CACNG2: variants seen among roughly 807,000 people sequenced by gnomAD.
CACNG2 encodes the protein calcium voltage-gated channel auxiliary subunit gamma 2, also known as voltage-dependent calcium channel gamma-2 subunit.
In CACNG2, 3 loss-of-function variants were observed where a neutral mutation model predicts 25.9. The ratio of observed to expected loss-of-function variants is 0.12; its 90% CI spans 0.05 to 0.30. The LOEUF (loss-of-function observed/expected upper bound fraction) is 0.30. Among genes scored for constraint, CACNG2 ranks in the 10% least tolerant of loss-of-function variants. CACNG2 has a pLI of 1.00. For synonymous variants in CACNG2, 167 were observed against 173.3 expected, an observed-to-expected ratio of 0.96 and a Z score of 0.29; for missense variants, 341 against 432.5, an observed-to-expected ratio of 0.79 and a Z score of 1.88.
At chr22:36,639,854 C>T (rs1031501171) in intron 1 of CACNG2, among the ~76,000 whole-genome samples, 1 of 152,160 alleles carries the variant, frequency 6.6e-6, no homozygotes, top group African/African-American at 2.4e-5. Flanking sequence ...AGATGGGAAC[C>T]CTGAGGCCCT....
intron 1 of CACNG2, among the ~76,000 whole-genome samples, chr22:36,682,269 G>C (rs1937134645): frequency 6.6e-6 from 1 of 152,210 alleles, no homozygotes; most frequent in African/African-American, 2.4e-5. Context: ...CCTGTTAGCT[G>C]TGGGACTCTG....
intron 1 of CACNG2, among the ~76,000 whole-genome samples, chr22:36,604,732 C>T (rs4630864): frequency 0.49 from 73,934 of 152,062 alleles, 18,527 homozygotes; most frequent in Non-Finnish European, 0.55. Context: ...ATTGTTTTCT[C>T]AGACATAATG....
chr22:36,609,119 C>A (rs189286675), intron 1 of CACNG2, among the ~76,000 whole-genome samples: 1 of 152,044 alleles, frequency 6.6e-6, no homozygotes, highest in Non-Finnish European at 1.5e-5. Context: ...CAGGAATCAG[C>A]CCCCTAGAGT....
intron 1 of CACNG2, among the ~76,000 whole-genome samples, chr22:36,695,826 C>T (rs1937332202): frequency 6.6e-6 from 1 of 152,074 alleles, no homozygotes; most frequent in African/African-American, 2.4e-5. Flanking sequence ...AGGGCAGTGA[C>T]CCTGAAGGAC....
intron 1 of CACNG2, among the ~76,000 whole-genome samples, chr22:36,612,778 T>G (rs1202110660): frequency 6.6e-6 from 1 of 152,220 alleles, no homozygotes; most frequent in Non-Finnish European, 1.5e-5. Context: ...AGCAGATGCC[T>G]GATATGTTTT....
rs956956735 is a variant in CACNG2 at position 36,606,176 on chromosome 22, A to C, written c.212-18628T>G. ...TAGGTTCCACAGCAGAGAAGGGATC[A>C]ATACAGACGGATTCCCCGTCCCCCA... On this transcript the variant is annotated intron_variant, in intron 1 of 3. Coordinates refer to ENST00000300105, the MANE Select transcript of CACNG2 (RefSeq NM_006078.5). The surrounding 1 kb of genome is among the most constrained non-coding windows in gnomAD (Gnocchi z 5.7). Among the ~76,000 whole-genome samples the C allele has an allele frequency of 1.3e-5, 2 of 152,236 alleles. No homozygotes were observed. Among genetic ancestry groups the C allele is most frequent in the Non-Finnish European group, 2.9e-5 (2 of 68,046 alleles).
chr22:36,631,061 C>T (rs566339871), intron 1 of CACNG2, among the ~76,000 whole-genome samples: 8 of 152,278 alleles, frequency 5.3e-5, no homozygotes, highest in African/African-American at 7.2e-5. Context: ...GAACTCCTGA[C>T]CTCGTGATCC....
intron 1 of CACNG2, among the ~76,000 whole-genome samples, chr22:36,624,434 G>T (rs955649095): frequency 6.6e-6 from 1 of 152,160 alleles, no homozygotes; most frequent in African/African-American, 2.4e-5. Flanking sequence ...AGAGAGGTCA[G>T]GCTGCTCACC....
At chr22:36,635,044 G>A (rs1472086570) in intron 1 of CACNG2, among the ~76,000 whole-genome samples, 2 of 152,160 alleles carry the variant, frequency 1.3e-5, no homozygotes, top group African/African-American at 2.4e-5. Context: ...AGCACTTTGG[G>A]AGGCCGAGGT....
intron 1 of CACNG2, among the ~76,000 whole-genome samples, chr22:36,671,699 A>T (rs2035799652): frequency 6.6e-6 from 1 of 152,154 alleles, no homozygotes; most frequent in Admixed American, 6.5e-5. Context: ...GTTTCCCAGG[A>T]CACCCAGAGG....
chr22:36,585,467 C>T (rs552021175), intron 2 of CACNG2: 1 of 152,300 alleles, frequency 6.6e-6, no homozygotes, highest in South Asian at 2.1e-4. Flanking sequence ...TGTTTTCCGG[C>T]CCAGGACTAG....
At chr22:36,573,534 G>T (rs1387024566) in intron 2 of CACNG2, among the ~76,000 whole-genome samples, 1 of 152,152 alleles carries the variant, frequency 6.6e-6, no homozygotes, top group Non-Finnish European at 1.5e-5. Context: ...GTTTCACCAT[G>T]TTGGCCAGCC....
intron 1 of CACNG2, among the ~76,000 whole-genome samples, chr22:36,604,286 T>C (rs1372643905): frequency 6.6e-6 from 1 of 152,220 alleles, no homozygotes; most frequent in Non-Finnish European, 1.5e-5. Context: ...GGTGGCTTTT[T>C]ATGGATAAGC....
chr22:36,574,319 G>A (rs1017488518), intron 2 of CACNG2, among the ~76,000 whole-genome samples: 1 of 152,194 alleles, frequency 6.6e-6, no homozygotes, highest in Admixed American at 6.5e-5. Flanking sequence ...ATGGACAGAG[G>A]CAGATGTGTC....
intron 1 of CACNG2, among the ~76,000 whole-genome samples, chr22:36,672,773 C>G (rs1320989790): frequency 1.3e-5 from 2 of 152,190 alleles, no homozygotes; most frequent in African/African-American, 4.8e-5. Context: ...CCACTGAATC[C>G]CATTCCGTAC....
Position 36,606,278 on chromosome 22 carries a change from C to T in CACNG2, c.212-18730G>A, listed in dbSNP as rs777743354. Among the ~76,000 whole-genome samples the T allele has an allele frequency of 1.3e-5, 2 of 152,206 alleles. No individual in the cohort carries two copies. On this transcript the variant is annotated intron_variant, in intron 1 of 3. Coordinates refer to ENST00000300105, the MANE Select transcript of CACNG2 (RefSeq NM_006078.5). This position sits in a 1 kb window ranked among gnomAD's most constrained non-coding sequence, Gnocchi z 5.7. ...AATGAAACCACAAGGGCAGCGAGGG[C>T]GTTGGCTGGTCGCCGGGAACAAGCT...
chr22:36,625,140 C>T (rs1366614054), intron 1 of CACNG2, among the ~76,000 whole-genome samples: 1 of 152,014 alleles, frequency 6.6e-6, no homozygotes, highest in Non-Finnish European at 1.5e-5. Context: ...TCTGAGGCTC[C>T]ACCAGGCTTT....
rs1332319202 is a variant in CACNG2, at chr22:36,680,375, T to TTACCACCACCATCAC, written c.211+21976_211+21990dup. Among the ~76,000 whole-genome samples, 15 of 108,264 alleles carry TTACCACCACCATCAC rather than the reference T, an allele frequency of 1.4e-4. No individual in the cohort carries two copies. The East Asian group carries it at 1.9e-3, about 13-fold the overall frequency. 71.0% of individuals were successfully genotyped at this position (108,264 alleles called of 152,430 possible). ...ACCACCATCATCACCATCATCACCA[T>TTACCACCACCATCAC]TACCACCACCATCACTGCCACCATC... On this transcript the variant is annotated intron_variant, in intron 1 of 3. Coordinates refer to ENST00000300105, the MANE Select transcript of CACNG2 (RefSeq NM_006078.5).
At chr22:36,640,804 G>A (rs549429307) in intron 1 of CACNG2, among the ~76,000 whole-genome samples, 2 of 152,240 alleles carry the variant, frequency 1.3e-5, no homozygotes, top group South Asian at 4.1e-4. Context: ...ACCTTCCAGT[G>A]GCTCCTGATG....
Sources: allele counts gnomAD v4.1 joint callset (sites outside exome capture counted in the v4.1 genomes callset), GRCh38; gene constraint gnomAD v4.1.1; non-coding constraint Gnocchi (gnomAD v3.1); transcripts MANE v1.5; gene names NCBI Gene and HGNC (gene_info 2026-07-23, HGNC 2026-07-21).